Variants in FXR2 observed in about 807,000 individuals in gnomAD.
The protein encoded by FXR2 is FMR1 autosomal homolog 2, also known as RNA-binding protein FXR2.
Under a neutral mutation model 87.3 loss-of-function variants are expected in FXR2, and 9 were observed. That is an observed-to-expected ratio of 0.10 (90% CI 0.06 to 0.18). The LOEUF is 0.18. Ranked by LOEUF, FXR2 falls within the 10% of genes least tolerant of loss-of-function variation. The pLI is 1.00. For missense variants in FXR2, 661 were observed against 893.6 expected (o/e 0.74, Z 3.32); for synonymous variants, 331 against 328.3 (o/e 1.01, Z -0.09).
rs2071667003 is a variant in FXR2 at position 7,592,089 on chromosome 17, G to A, written c.1927-164C>T. ...CTCTTACTTGGGATCCAGAAAATGT[G>A]AACCACACTTTCTTCTCTATCCTAT... On this transcript the variant is annotated intron_variant, in intron 16 of 16. Transcript: ENST00000250113. The surrounding 1 kb of genome is among the most constrained non-coding windows in gnomAD (Gnocchi z 4.8). 17 of 1,455,430 alleles carry A rather than the reference G, an allele frequency of 1.2e-5. No homozygotes were observed. In the South Asian group the frequency reaches 2.2e-4, roughly 19 times the overall value. The allele number at this position is 1,455,430 out of a possible 1,614,324, so 90.2% of individuals were successfully genotyped here.
At chr17:7,608,412 C>A (rs2071821429) in intron 1 of FXR2, among the ~76,000 whole-genome samples, 1 of 147,812 alleles carries the variant, frequency 6.8e-6, no homozygotes. Context: ...GCCAATATGG[C>A]AAAATCCCAT....
intron 1 of FXR2, among the ~76,000 whole-genome samples, chr17:7,612,204 A>G (rs534140477): frequency 7.9e-5 from 12 of 152,316 alleles, no homozygotes; most frequent in Admixed American, 6.5e-4. Flanking sequence ...CAAAGCAAAC[A>G]TCATATCTTG....
chr17:7,614,383 C>T (rs2150951019), intron 1 of FXR2, 69 bp downstream of exon 1: 2 of 1,156,334 alleles, frequency 1.7e-6, no homozygotes, highest in Non-Finnish European at 2.4e-6. Flanking sequence ...CGATCCCGCC[C>T]CACGCGTTCC....
Position 7,594,830 on chromosome 17 carries a change from C to T in FXR2, c.832-73G>A. 1 of 918,302 alleles carries T rather than the reference C, an allele frequency of 1.1e-6. No individual in the cohort carries two copies. The highest frequency in any genetic ancestry group is 1.3e-5 in the South Asian group (1 of 76,956). 56.9% of individuals were successfully genotyped at this position (918,302 alleles called of 1,614,324 possible). On this transcript the variant is annotated intron_variant, in intron 8 of 16. Transcript: ENST00000250113. This position sits in a 1 kb window ranked among gnomAD's most constrained non-coding sequence, Gnocchi z 5.1. ...GGATGTGGTGGCTCACGCCTGTAAT[C>T]CCAGCACTTTGGGAGGCTGGAGGCA... is the stretch of plus-strand genomic sequence containing the variant.
chr17:7,598,479 A>G (rs2071726104), intron 7 of FXR2, among the ~76,000 whole-genome samples: 1 of 152,046 alleles, frequency 6.6e-6, no homozygotes, highest in Admixed American at 6.6e-5. Context: ...ACAAAACAAA[A>G]CAAAAAACCA....
In FXR2 at chr17:7,591,773, G is replaced by A; in HGVS notation, c.*57C>T. ...AGCGCAGGTCAGTTGGGCCTGTGAGGGCCATGGTGTTGGGCAGCAAGCGAG... is the reference window on the plus strand; with the variant it reads ...AGCGCAGGTCAGTTGGGCCTGTGAGAGCCATGGTGTTGGGCAGCAAGCGAG... On this transcript the variant is annotated 3_prime_UTR_variant, in exon 17 of 17. Transcript: ENST00000250113. The surrounding 1 kb of genome is among the most constrained non-coding windows in gnomAD (Gnocchi z 4.0). The A allele has an allele frequency of 1.0e-6, 1 of 958,542 alleles. No individual in the cohort carries two copies. Among genetic ancestry groups the A allele is most frequent in the South Asian group, 1.3e-5 (1 of 76,208 alleles). The allele number at this position is 958,542 out of a possible 1,614,324, so 59.4% of individuals were successfully genotyped here. A position where few individuals can be genotyped will look rare whatever the true frequency, so the allele number is the denominator to read the frequency against.
chr17:7,596,025 G>C (rs1487175586), intron 7 of FXR2, 31 bp from the exon 8 acceptor site: 1 of 1,578,424 alleles, frequency 6.3e-7, no homozygotes, highest in South Asian at 1.1e-5. Flanking sequence ...AGGAATCATG[G>C]TGGTAGAATC....
In FXR2 at chr17:7,593,880, T is replaced by C; in HGVS notation, c.1107+38A>G. ...GACCCCCACAGCAGTCTTAGTTCCC[T>C]TTTCACACCCAGCATTTTTCTCTCC... On this transcript the variant is annotated intron_variant, in intron 11 of 16. Transcript: ENST00000250113. This position sits in a 1 kb window ranked among gnomAD's most constrained non-coding sequence, Gnocchi z 6.1. The C allele has an allele frequency of 2.2e-6, 3 of 1,342,712 alleles. No homozygotes were observed. In the African/African-American group the frequency reaches 4.3e-5, roughly 19 times the overall value. The allele number at this position is 1,342,712 out of a possible 1,614,324, so 83.2% of individuals were successfully genotyped here. A position where few individuals can be genotyped will look rare whatever the true frequency, so the allele number is the denominator to read the frequency against.
At chr17:7,601,695 A>C (rs1249874538) in intron 6 of FXR2, among the ~76,000 whole-genome samples, 170 bp from the exon 7 acceptor site, 1 of 152,148 alleles carries the variant, frequency 6.6e-6, no homozygotes, top group Non-Finnish European at 1.5e-5. Flanking sequence ...TTGGGAGGCC[A>C]AGGCAGGCGG....
In FXR2 at chr17:7,592,936, C is replaced by T. The variant is rs1371123370; in HGVS notation, c.1529-42G>A. The stretch of plus-strand genomic sequence containing the variant: ...GAGGAGGAGTTGGCAGTCAGGTGCC[C>T]ATCATCTTTCCTTTTGGCCCATATT... On this transcript the variant is annotated intron_variant, in intron 13 of 16. Coordinates refer to ENST00000250113, the MANE Select transcript of FXR2 (RefSeq NM_004860.4). This position sits in a 1 kb window ranked among gnomAD's most constrained non-coding sequence, Gnocchi z 4.8. The T allele has an allele frequency of 3.9e-6, 6 of 1,543,758 alleles. No individual in the cohort carries two copies. The highest frequency in any genetic ancestry group is 2.8e-5 in the African/African-American group (2 of 72,422).
At chr17:7,613,249 T>C (rs1216868715) in intron 1 of FXR2, among the ~76,000 whole-genome samples, 3 of 151,816 alleles carry the variant, frequency 2.0e-5, no homozygotes, top group African/African-American at 7.3e-5. Context: ...CATGGGAAGG[T>C]ATCTCTTCCC....
chr17:7,592,599 T>C lies in FXR2; in HGVS notation c.1730A>G (p.Glu577Gly), dbSNP rs1289527351. ...ACGACGTTGAGGTCTTGATTCATCT[T>C]CTGTAGGGTAGGAAAAAACCAGAGT... ...DGPNMTENGL[E>G]DESRPQRRNR... is the part of the protein sequence containing the mutation. The change falls in exon 15 of 17, where the codon GAA (glutamate) becomes GGA (glycine). Residue 577 changes from glutamate to glycine, a missense_variant and splice_region_variant. By Grantham distance (98) the Glu-to-Gly change is moderately conservative. Transcript: ENST00000250113. This position sits in a 1 kb window ranked among gnomAD's most constrained non-coding sequence, Gnocchi z 4.8. 1 of 1,613,536 alleles carries C rather than the reference T, an allele frequency of 6.2e-7. No homozygotes were observed. The highest frequency in any genetic ancestry group is 2.2e-5 in the East Asian group (1 of 44,862).
intron 7 of FXR2, among the ~76,000 whole-genome samples, chr17:7,597,371 G>C (rs960366448): frequency 2.0e-5 from 3 of 152,058 alleles, no homozygotes; most frequent in African/African-American, 7.2e-5. Flanking sequence ...GAGAAAGTTG[G>C]AAAAATAAAC....
chr17:7,614,111 G>A (rs1348423495), intron 1 of FXR2: 1 of 541,658 alleles, frequency 1.8e-6, no homozygotes, highest in African/African-American at 1.9e-5. Flanking sequence ...TAAGGTCTAA[G>A]GTATGTCTTC....
intron 3 of FXR2, among the ~76,000 whole-genome samples, chr17:7,605,422 T>C (rs1178002683): frequency 1.3e-5 from 2 of 152,186 alleles, no homozygotes; most frequent in East Asian, 3.8e-4. Flanking sequence ...ATTTTAGATG[T>C]TGTTACCATA....
At position 7,594,881 on chromosome 17, in the gene FXR2, C is replaced by T. The variant is rs2071695104; in HGVS notation, c.832-124G>A. The T allele has an allele frequency of 2.9e-6, 2 of 685,898 alleles. No individual in the cohort carries two copies. The highest frequency in any genetic ancestry group is 4.6e-5 in the Admixed American group (2 of 43,354). 42.5% of individuals were successfully genotyped at this position (685,898 alleles called of 1,614,324 possible). On this transcript the variant is annotated intron_variant, in intron 8 of 16. Transcript: ENST00000250113. This position sits in a 1 kb window ranked among gnomAD's most constrained non-coding sequence, Gnocchi z 5.1. ...GGTGGATAAATTGAGCTCAAGAGTT[C>T]AAGACTAGCCTGGGCAATATGGTGA...
chr17:7,591,825 A>T lies in FXR2; in HGVS notation c.*5T>A. 1 of 1,445,488 alleles carries T rather than the reference A, an allele frequency of 6.9e-7. No individual in the cohort carries two copies. Among genetic ancestry groups the T allele is most frequent in the Non-Finnish European group, 9.7e-7 (1 of 1,025,972 alleles). 89.5% of individuals were successfully genotyped at this position (1,445,488 alleles called of 1,614,324 possible). On this transcript the variant is annotated 3_prime_UTR_variant, in exon 17 of 17. Coordinates refer to ENST00000250113, the MANE Select transcript of FXR2 (RefSeq NM_004860.4). The surrounding 1 kb of genome is among the most constrained non-coding windows in gnomAD (Gnocchi z 4.0). ...TGGAGAAGGGAGGGGTGCAGGTTGG[A>T]GGTTTTATGAAACCCCATTCACCAT...
chr17:7,609,959 T>TATATATATGCATATGTATAC (rs1567753841), intron 1 of FXR2, among the ~76,000 whole-genome samples: 1 of 101,688 alleles, frequency 9.8e-6, no homozygotes, highest in Non-Finnish European at 2.5e-5. Context: ...TGTATACATA[T>TATATATATGCATATGTATAC]ATATACATGT....
intron 3 of FXR2, among the ~76,000 whole-genome samples, chr17:7,604,729 T>G (rs2071788970): frequency 6.6e-6 from 1 of 151,014 alleles, no homozygotes; most frequent in Non-Finnish European, 1.5e-5. Flanking sequence ...ATCTTTTTTT[T>G]TTTTTTTTTG....
Sources: allele counts gnomAD v4.1 joint callset (sites outside exome capture counted in the v4.1 genomes callset), GRCh38; gene constraint gnomAD v4.1.1; non-coding constraint Gnocchi (gnomAD v3.1); transcripts MANE v1.5; gene names NCBI Gene and HGNC (gene_info 2026-07-23, HGNC 2026-07-21).